Variants in AMOTL2 observed in about 807,000 individuals in gnomAD.
AMOTL2 encodes the protein angiomotin like 2.
AMOTL2 carries 33 observed loss-of-function variants against 78.4 expected under a neutral mutation model. The ratio of observed to expected loss-of-function variants is 0.42; its 90% CI spans 0.32 to 0.56. The LOEUF is 0.56. Ranked by LOEUF, AMOTL2 falls within the 20% of genes least tolerant of loss-of-function variation. AMOTL2 has a pLI of 0.12. For synonymous variants in AMOTL2, 422 were observed against 428.8 expected (o/e 0.98, Z 0.20); for missense variants, 983 against 1,030.1 (o/e 0.95, Z 0.63).
intron 5 of AMOTL2, among the ~76,000 whole-genome samples, chr3:134,362,279 T>C (rs1183767675): frequency 6.6e-6 from 1 of 152,178 alleles, no homozygotes; most frequent in Admixed American, 6.5e-5. Context: ...AGAACCACCA[T>C]CGGCTGTCGG....
In AMOTL2 at chr3:134,367,756, T is replaced by G. The variant is rs369185876; in HGVS notation, c.782A>C (p.Gln261Pro). 9.9e-6 allele frequency: 16 copies of G among 1,613,566 alleles called. No homozygotes were observed. The highest frequency in any genetic ancestry group is 1.3e-5 in the Non-Finnish European group (15 of 1,179,972). Residue 261 changes from glutamine to proline, a missense_variant, in exon 3 of 10, where the codon CAG becomes CCG. Coordinates refer to ENST00000249883, the MANE Select transcript of AMOTL2 (RefSeq NM_016201.4). ...VPPVFLQQQQ[Q>P]YQYLQQSQEH... ...CTGAGATTGCTGCAGGTACTGGTAC[T>G]GCTGCTGCTGTTGGAGGAACACAGG...
At chr3:134,366,478 T>C in intron 3 of AMOTL2, 51 bp from the exon 4 acceptor site, 1 of 1,573,724 alleles carries the variant, frequency 6.4e-7, no homozygotes, top group South Asian at 1.2e-5. Flanking sequence ...TCCCAGGGAG[T>C]GATTCGAGGC....
intron 1 of AMOTL2, chr3:134,373,940 A>G: frequency 3.1e-6 from 2 of 647,670 alleles, no homozygotes; most frequent in Non-Finnish European, 3.8e-6. Flanking sequence ...GGGCAAAGGC[A>G]CCTGTAACCC....
At position 134,366,419 on chromosome 3, in the gene AMOTL2, G is replaced by T; in HGVS notation, c.1050C>A (p.Ser350Arg). ...GGGCCTCAGAGAGCCGCTGGATTTC[G>T]CTTTCCAGCTGCAAGAGTCAGACAG... ...EKAGRIEKLE[S>R]EIQRLSEAHE... The change falls in exon 4 of 10, where the codon AGC becomes AGA. Residue 350 changes from serine to arginine, a missense_variant. Coordinates refer to ENST00000249883, the MANE Select transcript of AMOTL2 (RefSeq NM_016201.4). 6.2e-7 allele frequency: 1 copy of T among 1,612,166 alleles called. No homozygotes were observed. The highest frequency in any genetic ancestry group is 2.2e-5 in the East Asian group (1 of 44,862).
At position 134,371,266 on chromosome 3, in the gene AMOTL2, C is replaced by G; in HGVS notation, c.168G>C (p.Glu56Asp). The G allele has an allele frequency of 6.2e-7, 1 of 1,612,906 alleles. No individual in the cohort carries two copies. Among genetic ancestry groups the G allele is most frequent in the Non-Finnish European group, 8.5e-7 (1 of 1,179,994 alleles). ...GGTGSPQASL[E>D]ILAPEDSQVL... The stretch of plus-strand genomic sequence containing the variant: ...CCTGACTGTCCTCTGGGGCCAGGAT[C>G]TCCAGGGAGGCCTGGGGGCTCCCTG... The change falls in exon 2 of 10, where the codon GAG becomes GAC. Residue 56 changes from glutamate to aspartate, a missense_variant. Physicochemically the swap from Glu to Asp is conservative, Grantham distance 45. Transcript: ENST00000249883.
chr3:134,358,465 G>T, intron 9 of AMOTL2, 75 bp downstream of exon 9: 1 of 1,511,298 alleles, frequency 6.6e-7, no homozygotes. Flanking sequence ...GGGAAGAAAA[G>T]GCCTTGTGTT....
At chr3:134,364,976 C>T (rs980723850) in intron 5 of AMOTL2, among the ~76,000 whole-genome samples, 5 of 152,110 alleles carry the variant, frequency 3.3e-5, no homozygotes, top group Non-Finnish European at 4.4e-5. Context: ...ACCCCATGTA[C>T]CTCTTGAACT....
chr3:134,364,549 C>A (rs2017526789), intron 5 of AMOTL2, among the ~76,000 whole-genome samples: 1 of 152,084 alleles, frequency 6.6e-6, no homozygotes, highest in African/African-American at 2.4e-5. Flanking sequence ...TCCCTCCTTC[C>A]CTTTGACTCC....
intron 2 of AMOTL2, among the ~76,000 whole-genome samples, chr3:134,368,536 C>G (rs1173596810): frequency 6.6e-6 from 1 of 152,214 alleles, no homozygotes; most frequent in Non-Finnish European, 1.5e-5. Context: ...CTCAGCCCCA[C>G]AGACTGGGCA....
chr3:134,374,653 C>T (rs2018022416), upstream of AMOTL2: 1 of 984,078 alleles, frequency 1.0e-6, no homozygotes, highest in Non-Finnish European at 1.2e-6. Context: ...GCGCTGCTGG[C>T]CGAGCGCCGG....
chr3:134,358,624 G>T lies in AMOTL2; in HGVS notation c.2200C>A (p.Pro734Thr), dbSNP rs764937945. The change falls in exon 9 of 10, where the codon CCC becomes ACC. Residue 734 changes from proline to threonine, a missense_variant. Pro to Thr is a conservative substitution (Grantham distance 38). Coordinates refer to ENST00000249883, the MANE Select transcript of AMOTL2 (RefSeq NM_016201.4). ...AGGCAGGTGGAGGTGCTGTCTGGGG[G>T]GCCCTCAGTCTGGGTGCTCCCATCT... The part of the protein sequence containing the change: ...SRDGSTQTEG[P>T]PDSTSTCLPP... 3 of 1,613,908 alleles carry T rather than the reference G, an allele frequency of 1.9e-6. No homozygotes were observed. Among genetic ancestry groups the T allele is most frequent in the Admixed American group, 1.7e-5 (1 of 60,024 alleles).
chr3:134,371,861 G>A (rs11919447), intron 1 of AMOTL2: 44,821 of 208,832 alleles, frequency 0.21, 5,487 homozygotes, highest in Non-Finnish European at 0.26. Flanking sequence ...GAGACAACAG[G>A]AAACCAGAAG....
chr3:134,364,242 GC>G (rs1460228654), intron 5 of AMOTL2, among the ~76,000 whole-genome samples: 2 of 152,040 alleles, frequency 1.3e-5, no homozygotes, highest in Non-Finnish European at 2.9e-5. Context: ...ACAGCTCGCG[GC>G]TCTGGAATGC....
At chr3:134,364,470 T>G (rs1254685375) in intron 5 of AMOTL2, among the ~76,000 whole-genome samples, 1 of 152,018 alleles carries the variant, frequency 6.6e-6, no homozygotes, top group Admixed American at 6.6e-5. Flanking sequence ...CACCCTAATC[T>G]GCCGTGCCCT....
At position 134,359,387 on chromosome 3, in the gene AMOTL2, G is replaced by A. The variant is rs144685493; in HGVS notation, c.2000C>T (p.Ser667Leu). The A allele has an allele frequency of 1.1e-5, 17 of 1,614,082 alleles. No individual in the cohort carries two copies. Among genetic ancestry groups the A allele is most frequent in the East Asian group, 4.5e-5 (2 of 44,894 alleles). The change falls in exon 8 of 10, where the codon TCG (serine) becomes TTG (leucine). Residue 667 changes from serine to leucine, a missense_variant. By Grantham distance (145) the Ser-to-Leu change is moderately radical. Coordinates refer to ENST00000249883, the MANE Select transcript of AMOTL2 (RefSeq NM_016201.4). Reference protein sequence around the residue: ...AIQGSLRPAKSVPSVFAAAAA... With the variant: ...AIQGSLRPAKLVPSVFAAAAA... ...CGCAGCCGCGAAAACAGATGGCACC[G>A]ACTTGGCAGGCCGCAGGGAGCCCTG...
In AMOTL2 at chr3:134,359,406, A is replaced by G. The variant is rs756779585; in HGVS notation, c.1981T>C (p.Ser661Pro). The G allele has an allele frequency of 8.1e-6, 13 of 1,614,050 alleles. No individual in the cohort carries two copies. The highest frequency in any genetic ancestry group is 1.1e-5 in the Non-Finnish European group (13 of 1,180,030). Residue 661 changes from serine (S) to proline (P), a missense_variant, in exon 8 of 10, where the codon TCC (serine) becomes CCC (proline). Ser to Pro is a moderately conservative substitution (Grantham distance 74). Coordinates refer to ENST00000249883, the MANE Select transcript of AMOTL2 (RefSeq NM_016201.4). ...GGCACCGACTTGGCAGGCCGCAGGG[A>G]GCCCTGGATGGCCTTGCCAGGGTCT... Reference protein sequence around the residue: ...RRDPGKAIQGSLRPAKSVPSV... With the variant: ...RRDPGKAIQGPLRPAKSVPSV...
intron 4 of AMOTL2, 53 bp downstream of exon 4, chr3:134,366,228 GAA>G: frequency 6.3e-7 from 1 of 1,578,058 alleles, no homozygotes; most frequent in Non-Finnish European, 8.6e-7. Flanking sequence ...TAGAACAAAA[GAA>G]GTAAGTCCTC....
intron 2 of AMOTL2, among the ~76,000 whole-genome samples, chr3:134,368,232 G>A (rs1404992934): frequency 6.6e-6 from 1 of 152,168 alleles, no homozygotes; most frequent in Admixed American, 6.5e-5. Context: ...TGTCAATCAT[G>A]ACTGAGCATA....
rs182885167 is a variant in AMOTL2 at position 134,372,523 on chromosome 3, C to T, written c.-61-1029G>A. Among the ~76,000 whole-genome samples the T allele has an allele frequency of 6.2e-3, 419 of 67,778 alleles. 7 individuals carry two copies. The South Asian group carries it at 0.11, about 17-fold the overall frequency. 44.5% of individuals were successfully genotyped at this position (67,778 alleles called of 152,430 possible). On this transcript the variant is annotated intron_variant, in intron 1 of 9. Coordinates refer to ENST00000249883, the MANE Select transcript of AMOTL2 (RefSeq NM_016201.4). ...ATGATGTCTTTGATTTTATGATTAT[C>T]CTCCCCAACACACACACACACACAC...
Sources: gnomAD v4.1 joint callset for allele counts (sites outside exome capture counted in the v4.1 genomes callset) on GRCh38, gnomAD v4.1.1 for gene constraint, MANE v1.5 for transcripts, NCBI Gene and HGNC (gene_info 2026-07-23, HGNC 2026-07-21) for gene names.